Variants in CDK14 observed in about 807,000 individuals in gnomAD.
CDK14 encodes the protein cyclin dependent kinase 14, also known as cyclin-dependent kinase 14.
CDK14 carries 34 observed loss-of-function variants against 60.7 expected under a neutral mutation model. The ratio of observed to expected loss-of-function variants is 0.56; its 90% CI spans 0.43 to 0.75. The LOEUF is 0.75. Among genes scored for constraint, CDK14 ranks in the 30% least tolerant of loss-of-function variants. The pLI, the probability that CDK14 is intolerant of heterozygous loss-of-function variation, is 0.00. For synonymous variants in CDK14, 197 were observed against 203.7 expected (o/e 0.97, Z 0.28); for missense variants, 482 against 564.1 (o/e 0.85, Z 1.47).
At chr7:90,896,968 A>G (rs1792357012) in intron 6 of CDK14, among the ~76,000 whole-genome samples, 3 of 152,156 alleles carry the variant, frequency 2.0e-5, no homozygotes, top group Non-Finnish European at 2.9e-5. Flanking sequence ...TTTATTGGGC[A>G]TGCTATTTAA....
intron 4 of CDK14, among the ~76,000 whole-genome samples, chr7:90,750,741 C>T (rs1803806877): frequency 6.6e-6 from 1 of 152,024 alleles, no homozygotes; most frequent in Non-Finnish European, 1.5e-5. Flanking sequence ...GGTGTGGTGG[C>T]ACATGCCTGT....
chr7:90,729,764 C>G (rs1245101784), intron 3 of CDK14, among the ~76,000 whole-genome samples: 1 of 151,914 alleles, frequency 6.6e-6, no homozygotes, highest in Non-Finnish European at 1.5e-5. Context: ...TGTCTTTTCT[C>G]TTACCTTATC....
chr7:90,770,419 T>C (rs1804739050), intron 4 of CDK14, among the ~76,000 whole-genome samples: 1 of 152,236 alleles, frequency 6.6e-6, no homozygotes, highest in Non-Finnish European at 1.5e-5. Context: ...TTGACCTTTA[T>C]TGGGTAGGAT....
In CDK14 at chr7:90,704,247, T is replaced by C. The variant is rs368807301; in HGVS notation, c.124-22320T>C. On this transcript the variant is annotated intron_variant, in intron 2 of 14. Coordinates refer to ENST00000380050, the MANE Select transcript of CDK14 (RefSeq NM_001287135.2). ...CTTGACAACCTTAACAATCTGAAGT[T>C]CCCTTGCTATAGCTCTAGCTTTGGA... Among the ~76,000 whole-genome samples the C allele has an allele frequency of 5.3e-5, 8 of 152,312 alleles. No individual in the cohort carries two copies. The East Asian group carries it at 1.4e-3, about 26-fold the overall frequency.
At chr7:90,949,076 T>C (rs1794180118) in intron 8 of CDK14, among the ~76,000 whole-genome samples, 1 of 152,230 alleles carries the variant, frequency 6.6e-6, no homozygotes. Flanking sequence ...ATTCCTATAC[T>C]GTATATGAAA....
intron 11 of CDK14, among the ~76,000 whole-genome samples, chr7:91,059,780 T>C (rs1230137746): frequency 3.9e-5 from 6 of 152,200 alleles, no homozygotes. Flanking sequence ...CAGTTTGTTA[T>C]AATTTCTGTT....
At chr7:91,010,790 C>CTCCTTCTT (rs1796130443) in intron 10 of CDK14, among the ~76,000 whole-genome samples, 1 of 90,604 alleles carries the variant, frequency 1.1e-5, no homozygotes, top group Non-Finnish European at 2.2e-5. Context: ...CCTTCTTTCC[C>CTCCTTCTT]TCCTTCCTTC....
chr7:91,202,729 T>G (rs991993180), intron 14 of CDK14, among the ~76,000 whole-genome samples: 1 of 152,218 alleles, frequency 6.6e-6, no homozygotes, highest in African/African-American at 2.4e-5. Flanking sequence ...GCTGGCACAA[T>G]TTGGGCCATT....
intron 14 of CDK14, among the ~76,000 whole-genome samples, chr7:91,192,046 T>C (rs185627665): frequency 5.9e-5 from 9 of 152,280 alleles, no homozygotes; most frequent in Admixed American, 2.6e-4. Context: ...TGAAGATTTA[T>C]AGTGCTACCA....
intron 14 of CDK14, among the ~76,000 whole-genome samples, chr7:91,141,336 A>G (rs1478429322): frequency 6.6e-6 from 1 of 152,214 alleles, no homozygotes; most frequent in Non-Finnish European, 1.5e-5. Context: ...GCCAGATGGC[A>G]CCTTCACTGG....
chr7:91,123,662 A>G (rs1036281973), intron 14 of CDK14, among the ~76,000 whole-genome samples: 1 of 151,538 alleles, frequency 6.6e-6, no homozygotes, highest in Admixed American at 6.6e-5. Flanking sequence ...AGTCTGTTCT[A>G]TCCTTTAAAC....
chr7:90,632,502 C>T (rs932668721), intron 2 of CDK14: 1 of 166,644 alleles, frequency 6.0e-6, no homozygotes, highest in Non-Finnish European at 1.4e-5. Context: ...GGAATTTAAC[C>T]AGCATGGCTA....
chr7:91,062,862 T>C (rs1797851345), intron 11 of CDK14, among the ~76,000 whole-genome samples: 1 of 152,174 alleles, frequency 6.6e-6, no homozygotes. Context: ...GGGCCCTGCA[T>C]TTCTGGGCTT....
At chr7:90,999,213 G>A (rs1210168181) in intron 10 of CDK14, among the ~76,000 whole-genome samples, 1 of 152,092 alleles carries the variant, frequency 6.6e-6, no homozygotes, top group Non-Finnish European at 1.5e-5. Flanking sequence ...TGTAGCAGGA[G>A]GTGGTGCCAA....
intron 2 of CDK14, among the ~76,000 whole-genome samples, chr7:90,629,558 A>G (rs970032594): frequency 6.6e-6 from 1 of 152,194 alleles, no homozygotes; most frequent in Non-Finnish European, 1.5e-5. Context: ...GGTTGTCCCA[A>G]ATAATGAAGT....
At chr7:90,958,356 C>T (rs1794495232) in intron 9 of CDK14, among the ~76,000 whole-genome samples, 1 of 152,062 alleles carries the variant, frequency 6.6e-6, no homozygotes, top group African/African-American at 2.4e-5. Flanking sequence ...TCTAGTAGAG[C>T]TACAAGAAAA....
chr7:91,026,931 C>G (rs909781499), intron 10 of CDK14, among the ~76,000 whole-genome samples: 6 of 152,178 alleles, frequency 3.9e-5, no homozygotes, highest in African/African-American at 7.2e-5. Flanking sequence ...TGGAGCTCCT[C>G]TAGAACATGT....
At chr7:90,826,043 A>G (rs551851602) in intron 5 of CDK14, among the ~76,000 whole-genome samples, 45 of 152,304 alleles carry the variant, frequency 3.0e-4, no homozygotes, top group African/African-American at 7.5e-4. Context: ...AAGAATGCCA[A>G]TTAATTCCAG....
chr7:91,033,315 A>G (rs1198946742), intron 10 of CDK14, among the ~76,000 whole-genome samples: 1 of 152,194 alleles, frequency 6.6e-6, no homozygotes, highest in African/African-American at 2.4e-5. Context: ...CTGACACCAC[A>G]GAACTTGAAA....
Sources: allele counts gnomAD v4.1 joint callset (sites outside exome capture counted in the v4.1 genomes callset), GRCh38; gene constraint gnomAD v4.1.1; transcripts MANE v1.5; gene names NCBI Gene and HGNC (gene_info 2026-07-23, HGNC 2026-07-21).